The following RASGRF2 variants were observed in gnomAD, a reference collection of about 807,000 sequenced individuals.
RASGRF2 encodes the protein ras-specific guanine nucleotide-releasing factor 2.
A neutral mutation model predicts 151.0 loss-of-function variants in RASGRF2; 76 were observed. That is an observed-to-expected ratio of 0.50 (90% CI 0.42 to 0.61). The LOEUF (loss-of-function observed/expected upper bound fraction) is 0.61. RASGRF2 is among the 20% of genes least tolerant of loss of function. The probability of loss-of-function intolerance (pLI) is 0.00; values close to 1 mark genes in which losing one functional copy is unlikely to be tolerated. For synonymous variants in RASGRF2, 504 were observed against 566.5 expected (o/e 0.89, Z 1.57); for missense variants, 1,148 against 1,564.6 (o/e 0.73, Z 4.49).
At chr5:81,051,266 A>G (rs1447861741) in intron 2 of RASGRF2, among the ~76,000 whole-genome samples, 1 of 152,316 alleles carries the variant, frequency 6.6e-6, no homozygotes, top group Non-Finnish European at 1.5e-5. Flanking sequence ...TTAAAATGCA[A>G]TCAAAGTATA....
At chr5:81,027,799 T>G (rs1750088487) in intron 1 of RASGRF2, among the ~76,000 whole-genome samples, 1 of 152,190 alleles carries the variant, frequency 6.6e-6, no homozygotes, top group Admixed American at 6.5e-5. Context: ...CAGAGTCAGC[T>G]GCGAGTTTGA....
At chr5:80,962,961 A>G (rs916343668) in intron 1 of RASGRF2, among the ~76,000 whole-genome samples, 2 of 152,232 alleles carry the variant, frequency 1.3e-5, no homozygotes, top group Non-Finnish European at 2.9e-5. Context: ...GATGTAGAGA[A>G]GCAAGCATTC....
chr5:81,037,413 A>G (rs1297626779), intron 1 of RASGRF2, among the ~76,000 whole-genome samples: 3 of 152,184 alleles, frequency 2.0e-5, no homozygotes, highest in South Asian at 2.1e-4. Flanking sequence ...CTTCAATGCT[A>G]TCCTAATTTC....
At chr5:80,963,739 C>G (rs978722124) in intron 1 of RASGRF2, among the ~76,000 whole-genome samples, 3 of 152,170 alleles carry the variant, frequency 2.0e-5, no homozygotes, top group Admixed American at 6.5e-5. Context: ...ACATCATTGC[C>G]TGAGGCAGAG....
intron 1 of RASGRF2, among the ~76,000 whole-genome samples, chr5:81,042,523 A>C (rs1028926591): frequency 6.6e-6 from 1 of 152,260 alleles, no homozygotes; most frequent in Non-Finnish European, 1.5e-5. Flanking sequence ...GCGTTCCTGC[A>C]GCTTTATCAC....
At chr5:81,122,679 G>A (rs1292287996) in intron 15 of RASGRF2, among the ~76,000 whole-genome samples, 3 of 152,124 alleles carry the variant, frequency 2.0e-5, no homozygotes, top group African/African-American at 7.2e-5. Flanking sequence ...GTTATCAATG[G>A]GAATTAATGA....
chr5:81,166,685 T>A (rs1454743893), intron 17 of RASGRF2, among the ~76,000 whole-genome samples: 1 of 152,026 alleles, frequency 6.6e-6, no homozygotes, highest in South Asian at 2.1e-4. Flanking sequence ...GGGCTGGTAA[T>A]TGAGGTCAGC....
rs779219835 is a variant in RASGRF2, at chr5:81,073,244, A to T, written c.679A>T (p.Thr227Ser). ...ATGGTTGTGCAGAAGGAAATGGAAG[A>T]CCATCGTGCAGGATTACATTTGTTC... ...RGWLCRRKWKTIVQDYICSPH... is the reference protein window; with the variant it reads ...RGWLCRRKWKSIVQDYICSPH... The change falls in exon 5 of 27, where the codon ACC becomes TCC. Residue 227 changes from threonine to serine, a missense_variant. Thr to Ser is a moderately conservative substitution (Grantham distance 58). Coordinates refer to ENST00000265080, the MANE Select transcript of RASGRF2 (RefSeq NM_006909.3). The T allele has an allele frequency of 2.9e-5, 47 of 1,613,954 alleles. No homozygotes were observed. In the African/African-American group the frequency reaches 6.1e-4, roughly 21 times the overall value.
intron 5 of RASGRF2, among the ~76,000 whole-genome samples, chr5:81,074,844 G>T (rs893299961): frequency 1.3e-5 from 2 of 152,200 alleles, no homozygotes; most frequent in Non-Finnish European, 2.9e-5. Context: ...GCGTGCAGGG[G>T]ACATGGGGCT....
intron 17 of RASGRF2, among the ~76,000 whole-genome samples, chr5:81,129,000 G>A (rs188903007): frequency 1.6e-4 from 25 of 152,150 alleles, no homozygotes; most frequent in East Asian, 5.8e-4. Context: ...TCAGCTGGGC[G>A]TGGTGGCGCA....
At chr5:81,225,565 A>T in intron 26 of RASGRF2, 113 bp from the exon 27 acceptor site, 1 of 1,444,842 alleles carries the variant, frequency 6.9e-7, no homozygotes, top group Non-Finnish European at 9.1e-7. Context: ...TTTTGGTCAA[A>T]TAAGATTTTT....
At chr5:81,074,496 C>T (rs373377008) in intron 5 of RASGRF2, among the ~76,000 whole-genome samples, 1 of 152,138 alleles carries the variant, frequency 6.6e-6, no homozygotes, top group African/African-American at 2.4e-5. Context: ...ACTTTCTATA[C>T]GTAATATCTG....
chr5:81,079,651 T>C (rs1255583339), intron 5 of RASGRF2, among the ~76,000 whole-genome samples: 1 of 152,214 alleles, frequency 6.6e-6, no homozygotes, highest in Non-Finnish European at 1.5e-5. Context: ...ATTTCTGTCT[T>C]GGGTATCTTG....
intron 12 of RASGRF2, among the ~76,000 whole-genome samples, chr5:81,103,240 G>C (rs1752750263): frequency 6.6e-6 from 1 of 151,912 alleles, no homozygotes; most frequent in African/African-American, 2.4e-5. Context: ...AGATGATTAA[G>C]AGCCAGGTTA....
rs528547305 is a variant in RASGRF2, at chr5:81,168,790, A to G, written c.2687-11385A>G. Reference sequence around the variant, plus strand: ...GAATGACTGACCCAGGTCACTGACAACCGATAGCTTGCCAGAGTCAAATCC... The same window carrying G: ...GAATGACTGACCCAGGTCACTGACAGCCGATAGCTTGCCAGAGTCAAATCC... On this transcript the variant is annotated intron_variant, in intron 17 of 26. Coordinates refer to ENST00000265080, the MANE Select transcript of RASGRF2 (RefSeq NM_006909.3). 3.9e-5 allele frequency among the ~76,000 whole-genome samples: 6 copies of G among 152,254 alleles called. No individual in the cohort carries two copies. The East Asian group carries it at 9.7e-4, about 25-fold the overall frequency.
intron 1 of RASGRF2, among the ~76,000 whole-genome samples, chr5:80,991,742 A>T (rs1348744826): frequency 2.6e-5 from 4 of 152,234 alleles, no homozygotes; most frequent in African/African-American, 9.6e-5. Context: ...TCTTATTTTT[A>T]AAATATTTTT....
intron 17 of RASGRF2, among the ~76,000 whole-genome samples, chr5:81,173,026 T>A (rs1234586533): frequency 6.6e-6 from 1 of 152,170 alleles, no homozygotes; most frequent in Admixed American, 6.5e-5. Context: ...CAAGCCAGTT[T>A]GAGTTGGATT....
chr5:81,027,825 T>G (rs1750090225), intron 1 of RASGRF2, among the ~76,000 whole-genome samples: 1 of 152,150 alleles, frequency 6.6e-6, no homozygotes, highest in South Asian at 2.1e-4. Flanking sequence ...TGGGACAGAA[T>G]CACTGAGAAG....
At chr5:81,216,017 A>G in intron 24 of RASGRF2, 62 bp downstream of exon 24, 1 of 1,371,514 alleles carries the variant, frequency 7.3e-7, no homozygotes, top group East Asian at 2.9e-5. Flanking sequence ...TAATGTATAT[A>G]GTATACAAAC....
Sources: gnomAD v4.1 joint callset for allele counts (sites outside exome capture counted in the v4.1 genomes callset) on GRCh38, gnomAD v4.1.1 for gene constraint, MANE v1.5 for transcripts, NCBI Gene and HGNC (gene_info 2026-07-23, HGNC 2026-07-21) for gene names.